Variants in CHP1 observed in about 807,000 individuals in gnomAD.
CHP1 encodes calcineurin like EF-hand protein 1.
A neutral mutation model predicts 27.4 loss-of-function variants in CHP1; 11 were observed. That is an observed-to-expected ratio of 0.40 (90% CI 0.25 to 0.67). The LOEUF is 0.67. Ranked by LOEUF, CHP1 falls within the 30% of genes least tolerant of loss-of-function variation. The pLI, the probability that CHP1 is intolerant of heterozygous loss-of-function variation, is 0.38. For missense variants in CHP1, 169 were observed against 251.3 expected (o/e 0.67, Z 2.22); for synonymous variants, 89 against 87.4 (o/e 1.02, Z -0.10).
chr15:41,262,621 C>A, intron 3 of CHP1, 135 bp from the exon 4 acceptor site: 1 of 1,123,644 alleles, frequency 8.9e-7, no homozygotes, highest in Non-Finnish European at 1.3e-6. Context: ...TCCCAAAGTA[C>A]CATGCGTATG....
chr15:41,250,570 AAATAAATAAAT>A (rs1464615280), intron 2 of CHP1, among the ~76,000 whole-genome samples: 1 of 151,410 alleles, frequency 6.6e-6, no homozygotes, highest in Non-Finnish European at 1.5e-5. Context: ...TCCATCTCAA[AAATAAATAAAT>A]AATAAATAAA....
chr15:41,239,141 C>T lies in CHP1; in HGVS notation c.68-4526C>T, dbSNP rs1327446685. On this transcript the variant is annotated intron_variant, in intron 1 of 6. Coordinates refer to ENST00000334660, the MANE Select transcript of CHP1 (RefSeq NM_007236.5). ...GTGAATTTAGTACCTAAATTAAAGC[C>T]TTCTCTCCTTCTTTTTGTTAACAAA... Among the ~76,000 whole-genome samples, 3 of 152,034 alleles carry T rather than the reference C, an allele frequency of 2.0e-5. No individual in the cohort carries two copies. In the East Asian group the frequency reaches 5.8e-4, roughly 29 times the overall value.
rs939616140 is a variant in CHP1, at chr15:41,233,518, C to T, written c.67+2069C>T. ...AGTCACTTGTGAGGGAGATTCTCTC[C>T]ACAACCAGTGCAAATGTATGTATTG... On this transcript the variant is annotated intron_variant, in intron 1 of 6. Transcript: ENST00000334660. Among the ~76,000 whole-genome samples the T allele has an allele frequency of 3.3e-5, 5 of 152,266 alleles. No homozygotes were observed. In the South Asian group the frequency reaches 1.0e-3, roughly 32 times the overall value.
rs1445536991 is a variant in CHP1 at position 41,262,721 on chromosome 15, G to A, written c.222-35G>A. On this transcript the variant is annotated intron_variant, in intron 3 of 6. Coordinates refer to ENST00000334660, the MANE Select transcript of CHP1 (RefSeq NM_007236.5). ...TTCATAAGAAATAATCACCGTGATTGACATGGTGTTGTGTTTGTTATATTT... is the reference window on the plus strand; with the variant it reads ...TTCATAAGAAATAATCACCGTGATTAACATGGTGTTGTGTTTGTTATATTT... 6 of 1,607,346 alleles carry A rather than the reference G, an allele frequency of 3.7e-6. No homozygotes were observed. The African/African-American group carries it at 8.0e-5, about 22-fold the overall frequency.
At chr15:41,235,248 GT>G (rs1279513586) in intron 1 of CHP1, among the ~76,000 whole-genome samples, 1 of 122,546 alleles carries the variant, frequency 8.2e-6, no homozygotes, top group African/African-American at 3.8e-5. Context: ...GCCAGGCGCA[GT>G]GGCTCACACC....
intron 2 of CHP1, among the ~76,000 whole-genome samples, chr15:41,247,330 C>T (rs2047340423): frequency 6.7e-6 from 1 of 150,300 alleles, no homozygotes; most frequent in Non-Finnish European, 1.5e-5. Context: ...GATTGCAGCA[C>T]TGCCCTGCAC....
intron 2 of CHP1, among the ~76,000 whole-genome samples, chr15:41,250,029 A>G (rs2047357301): frequency 6.7e-6 from 1 of 150,178 alleles, no homozygotes; most frequent in Non-Finnish European, 1.5e-5. Flanking sequence ...GCTTTCAGAG[A>G]CTCACTCCGA....
chr15:41,262,054 A>T (rs2047436317), intron 3 of CHP1, among the ~76,000 whole-genome samples: 1 of 151,410 alleles, frequency 6.6e-6, no homozygotes, highest in Admixed American at 6.6e-5. Flanking sequence ...CTGTAGTTCC[A>T]GCTAGTCAGG....
intron 4 of CHP1, among the ~76,000 whole-genome samples, chr15:41,268,346 C>T (rs1379389280): frequency 6.6e-6 from 1 of 151,302 alleles, no homozygotes; most frequent in Non-Finnish European, 1.5e-5. Context: ...TGCTTGAGCC[C>T]AGGTGTTCAA....
At chr15:41,264,347 A>C (rs1157174394) in intron 4 of CHP1, 2 of 442,930 alleles carry the variant, frequency 4.5e-6, no homozygotes, top group African/African-American at 4.1e-5. Context: ...GGTTCTGCTA[A>C]GGAAAAAGGT....
At chr15:41,244,404 G>A (rs1406528442) in intron 2 of CHP1, among the ~76,000 whole-genome samples, 1 of 152,024 alleles carries the variant, frequency 6.6e-6, no homozygotes, top group East Asian at 1.9e-4. Flanking sequence ...GATCCCAGGT[G>A]GTCTAGGTTG....
Position 41,270,637 on chromosome 15 carries a change from G to C in CHP1, c.411+19G>C, listed in dbSNP as rs777323832. 1.3e-6 allele frequency: 2 copies of C among 1,598,362 alleles called. No homozygotes were observed. Among genetic ancestry groups the C allele is most frequent in the South Asian group, 2.2e-5 (2 of 90,720 alleles). On this transcript the variant is annotated intron_variant, in intron 5 of 6. Transcript: ENST00000334660. ...GTTACAGGTATGTGGAGAGCTCCTC[G>C]AGAACTTGTGCTTGGACTCTGCCTG...
At chr15:41,247,952 G>A (rs1016779455) in intron 2 of CHP1, among the ~76,000 whole-genome samples, 1 of 151,740 alleles carries the variant, frequency 6.6e-6, no homozygotes, top group Non-Finnish European at 1.5e-5. Flanking sequence ...CTGGGCGACA[G>A]AGCAAGACTC....
chr15:41,265,449 C>G (rs539498092), intron 4 of CHP1, among the ~76,000 whole-genome samples: 1 of 149,446 alleles, frequency 6.7e-6, no homozygotes, highest in South Asian at 2.1e-4. Context: ...ATGGCTCACG[C>G]CTGTAATCCC....
chr15:41,236,512 C>G (rs553951951), intron 1 of CHP1, among the ~76,000 whole-genome samples: 3 of 152,078 alleles, frequency 2.0e-5, no homozygotes, highest in South Asian at 2.1e-4. Flanking sequence ...TCCGCTCATC[C>G]CAGTCCCCCA....
At chr15:41,277,680 C>T (rs1232879477) in intron 5 of CHP1, among the ~76,000 whole-genome samples, 2 of 151,436 alleles carry the variant, frequency 1.3e-5, no homozygotes, top group Non-Finnish European at 2.9e-5. Context: ...CCCAGCTACT[C>T]GGGAGGCCGA....
chr15:41,260,071 T>C (rs1474180653), intron 3 of CHP1, among the ~76,000 whole-genome samples: 2 of 152,146 alleles, frequency 1.3e-5, no homozygotes, highest in Non-Finnish European at 2.9e-5. Flanking sequence ...AGGCTAGCCT[T>C]TGAACTCTGC....
At chr15:41,236,861 C>T (rs967901769) in intron 1 of CHP1, among the ~76,000 whole-genome samples, 3 of 146,782 alleles carry the variant, frequency 2.0e-5, no homozygotes, top group Non-Finnish European at 4.5e-5. Context: ...CAGAGTCTTG[C>T]TCTTGTTGCC....
At chr15:41,256,160 A>G (rs1351410527) in intron 2 of CHP1, among the ~76,000 whole-genome samples, 2 of 152,202 alleles carry the variant, frequency 1.3e-5, no homozygotes, top group East Asian at 1.9e-4. Flanking sequence ...CTGACTCTCA[A>G]TTTCCTCAGC....
Sources: allele counts gnomAD v4.1 joint callset (sites outside exome capture counted in the v4.1 genomes callset), GRCh38; gene constraint gnomAD v4.1.1; transcripts MANE v1.5; gene names NCBI Gene and HGNC (gene_info 2026-07-23, HGNC 2026-07-21).